TMC5: variants seen among roughly 807,000 people sequenced by gnomAD.
TMC5 encodes the protein transmembrane channel like 5.
TMC5 carries 86 observed loss-of-function variants against 110.5 expected under a neutral mutation model. That is an observed-to-expected ratio of 0.78 (90% CI 0.65 to 0.93). TMC5 has a LOEUF of 0.93. TMC5 is among the 40% of genes least tolerant of loss of function. TMC5 has a pLI of 0.00. For synonymous variants in TMC5, 455 were observed against 439.5 expected (o/e 1.04, Z -0.44); for missense variants, 1,144 against 1,222.8 (o/e 0.94, Z 0.96).
At chr16:19,449,457 C>T in intron 4 of TMC5, 85 bp from the exon 5 acceptor site, 2 of 1,152,204 alleles carry the variant, frequency 1.7e-6, no homozygotes, top group South Asian at 2.5e-5. Flanking sequence ...TTACGAACCA[C>T]TATTAGCACA....
chr16:19,484,331 C>A (rs1349382889), intron 15 of TMC5, among the ~76,000 whole-genome samples: 1 of 152,134 alleles, frequency 6.6e-6, no homozygotes, highest in African/African-American at 2.4e-5. Flanking sequence ...CTAGATCACC[C>A]ACTGGCAATT....
Position 19,440,798 on chromosome 16 carries a change from T to C in TMC5, c.760T>C (p.Ser254Pro), listed in dbSNP as rs763744834. The change falls in exon 3 of 22, where the codon TCT becomes CCT. Residue 254 changes from serine (S) to proline (P), a missense_variant. Transcript: ENST00000542583. ...SDAENGHDYG[S>P]SETPKMTRGV... Reference sequence around the variant, plus strand: ...TGCTGAGAATGGTCATGATTATGGCTCTTCTGAGACCCCAAAGATGACCAG... The same window carrying C: ...TGCTGAGAATGGTCATGATTATGGCCCTTCTGAGACCCCAAAGATGACCAG... The C allele has an allele frequency of 6.2e-7, 1 of 1,613,614 alleles. No homozygotes were observed. Among genetic ancestry groups the C allele is most frequent in the Non-Finnish European group, 8.5e-7 (1 of 1,179,952 alleles).
chr16:19,430,860 A>T (rs1226405735), intron 2 of TMC5, among the ~76,000 whole-genome samples: 5 of 131,272 alleles, frequency 3.8e-5, no homozygotes, highest in Admixed American at 8.1e-5. Context: ...AATAAAAACA[A>T]TTTTTTTTTT....
At chr16:19,433,314 A>T (rs1435370162) in intron 2 of TMC5, among the ~76,000 whole-genome samples, 5 of 152,170 alleles carry the variant, frequency 3.3e-5, no homozygotes, top group African/African-American at 1.2e-4. Flanking sequence ...ATGGCAGTGG[A>T]AGGGGAGCTA....
upstream of TMC5, among the ~76,000 whole-genome samples, chr16:19,417,129 C>T (rs1156361241): frequency 7.4e-6 from 1 of 135,346 alleles, no homozygotes; most frequent in Admixed American, 7.6e-5. Context: ...AAAAGAAAAA[C>T]GTGTCCAGGC....
chr16:19,439,273 G>A (rs1967425744), intron 2 of TMC5, among the ~76,000 whole-genome samples: 1 of 152,170 alleles, frequency 6.6e-6, no homozygotes, highest in African/African-American at 2.4e-5. Context: ...AAACTGGAAG[G>A]GGTCATAGCA....
intron 5 of TMC5, among the ~76,000 whole-genome samples, chr16:19,459,045 CT>C (rs570759406): frequency 1.5e-3 from 211 of 142,986 alleles, no homozygotes; most frequent in Admixed American, 1.7e-3. Context: ...TTGTTTTTTG[CT>C]TTTTTTTTTT....
chr16:19,457,709 C>CTTTTTT (rs573979829), intron 5 of TMC5, among the ~76,000 whole-genome samples: 2,556 of 43,900 alleles, frequency 0.058, 983 homozygotes, highest in Non-Finnish European at 0.11. Context: ...AGACTACATT[C>CTTTTTT]TTTTTTTTTT....
chr16:19,474,162 T>TA lies in TMC5; in HGVS notation c.1977dup (p.Leu660ThrfsTer9). ...CACAGTAACCCTGGGGCGGTGCTGT[T>TA]ACTGCCTTTCGTTGTGTCCTGCATT... On this transcript the variant is annotated frameshift_variant, in exon 12 of 22. Coordinates refer to ENST00000542583, the MANE Select transcript of TMC5 (RefSeq NM_001261841.2). LOFTEE classifies it high-confidence loss of function. 1.2e-6 allele frequency: 2 copies of TA among 1,614,020 alleles called. No homozygotes were observed. The highest frequency in any genetic ancestry group is 1.7e-6 in the Non-Finnish European group (2 of 1,179,980).
chr16:19,492,915 G>GATATAGATATATATATATATAT, intron 19 of TMC5, among the ~76,000 whole-genome samples: 1 of 42,790 alleles, frequency 2.3e-5, no homozygotes, highest in South Asian at 1.2e-3. Context: ...TTAAAACTTA[G>GATATAGATATATATATATATAT]ATATATATAT....
chr16:19,449,792 G>C (rs1012428812), intron 5 of TMC5, among the ~76,000 whole-genome samples, 161 bp downstream of exon 5: 1 of 152,054 alleles, frequency 6.6e-6, no homozygotes, highest in Non-Finnish European at 1.5e-5. Flanking sequence ...GAAATCTGAT[G>C]GTTTAAAAGT....
At chr16:19,412,089 T>G (rs77487926) in intron 1 of TMC5, among the ~76,000 whole-genome samples, 1 of 152,072 alleles carries the variant, frequency 6.6e-6, no homozygotes, top group Non-Finnish European at 1.5e-5. Context: ...TTTTTTTTTT[T>G]GAATTGTTGT....
chr16:19,467,086 C>T (rs1380483851), intron 9 of TMC5, among the ~76,000 whole-genome samples: 4 of 151,892 alleles, frequency 2.6e-5, no homozygotes, highest in Admixed American at 2.6e-4. Flanking sequence ...GTCGAGGCTG[C>T]AGTGAGCTGA....
At position 19,460,372 on chromosome 16, in the gene TMC5, T is replaced by G. The variant is rs757759420; in HGVS notation, c.1148+38T>G. The G allele has an allele frequency of 6.3e-6, 9 of 1,425,544 alleles. No individual in the cohort carries two copies. The South Asian group carries it at 1.1e-4, about 17-fold the overall frequency. 88.3% of individuals were successfully genotyped at this position (1,425,544 alleles called of 1,614,324 possible). On this transcript the variant is annotated intron_variant, in intron 6 of 21. Transcript: ENST00000542583. The stretch of plus-strand genomic sequence containing the variant: ...GGCTTTTCTTCTTTCTCAGATTTCA[T>G]GCGAACCTCAATCCTCTACTTTTGC...
At position 19,466,074 on chromosome 16, in the gene TMC5, C is replaced by T; in HGVS notation, c.1486-8C>T. The T allele has an allele frequency of 6.2e-7, 1 of 1,613,130 alleles. No homozygotes were observed. Reference sequence around the variant, plus strand: ...TCCACCTGACCTATGGTTTATTGTACCTTTCAGGGTTATTTTAGGGACACA... The same window carrying T: ...TCCACCTGACCTATGGTTTATTGTATCTTTCAGGGTTATTTTAGGGACACA... On this transcript the variant is annotated splice_polypyrimidine_tract_variant and splice_region_variant and intron_variant, in intron 8 of 21. Transcript: ENST00000542583.
chr16:19,451,057 C>CT (rs147654342), intron 5 of TMC5, among the ~76,000 whole-genome samples: 146 of 152,264 alleles, frequency 9.6e-4, no homozygotes, highest in African/African-American at 3.4e-3. Flanking sequence ...TTGCTTGAGC[C>CT]TGGGAGGTTG....
At chr16:19,495,932 G>A (rs751335130) in intron 20 of TMC5, among the ~76,000 whole-genome samples, 13 of 152,002 alleles carry the variant, frequency 8.6e-5, no homozygotes, top group Middle Eastern at 3.2e-3. Flanking sequence ...TCAGGGGTTC[G>A]AGACCAGCCC....
At position 19,474,231 on chromosome 16, in the gene TMC5, A is replaced by G; in HGVS notation, c.2045A>G (p.Glu682Gly). Residue 682 changes from glutamate (E) to glycine (G), a missense_variant, in exon 12 of 22, where the codon GAG becomes GGG. Glu to Gly is a moderately conservative substitution (Grantham distance 98). Coordinates refer to ENST00000542583, the MANE Select transcript of TMC5 (RefSeq NM_001261841.2). ...ATCTACTCCATGTTCAGGCTTGTGG[A>G]GAGGTACGAGATGCCACGGCACGAA... ...PCIYSMFRLV[E>G]RYEMPRHEVY... is the part of the protein sequence containing the mutation. 6.2e-7 allele frequency: 1 copy of G among 1,614,024 alleles called. No individual in the cohort carries two copies. The highest frequency in any genetic ancestry group is 8.5e-7 in the Non-Finnish European group (1 of 1,179,992).
chr16:19,477,434 GT>G lies in TMC5; in HGVS notation c.2091-3del, dbSNP rs1400924303. ...GGTAATCATAAATGTTGTCTCTTCTGTTTAGAAACATCTTTTTGAAAATATC... is the reference window on the plus strand; with the variant it reads ...GGTAATCATAAATGTTGTCTCTTCTGTTAGAAACATCTTTTTGAAAATATC... On this transcript the variant is annotated splice_polypyrimidine_tract_variant and splice_region_variant and intron_variant, in intron 12 of 21. Transcript: ENST00000542583. 3.1e-6 allele frequency: 5 copies of G among 1,604,316 alleles called. No individual in the cohort carries two copies. The Admixed American group carries it at 8.4e-5, about 27-fold the overall frequency.
Sources: allele counts gnomAD v4.1 joint callset (sites outside exome capture counted in the v4.1 genomes callset), GRCh38; gene constraint gnomAD v4.1.1; transcripts MANE v1.5; gene names NCBI Gene and HGNC (gene_info 2026-07-23, HGNC 2026-07-21).